TBX2: variants seen among roughly 807,000 people sequenced by gnomAD.
TBX2 encodes the protein T-box transcription factor 2, also known as T-box transcription factor TBX2.
TBX2 carries 19 observed loss-of-function variants against 48.4 expected under a neutral mutation model. The ratio of observed to expected loss-of-function variants is 0.39; its 90% CI spans 0.27 to 0.58. The LOEUF is 0.58. Ranked by LOEUF, TBX2 falls within the 20% of genes least tolerant of loss-of-function variation. The pLI is 0.54. For synonymous variants in TBX2, 522 were observed against 459.7 expected (o/e 1.14, Z -1.73); for missense variants, 994 against 1,006.5 (o/e 0.99, Z 0.17).
chr17:61,402,036 TC>T, intron 2 of TBX2, 85 bp downstream of exon 2: 1 of 1,505,450 alleles, frequency 6.6e-7, no homozygotes, highest in South Asian at 1.3e-5. Context: ...CGGCAGGATC[TC>T]CCAGGGGGAA....
chr17:61,407,472 C>T (rs8073698), intron 6 of TBX2: 84,568 of 152,222 alleles, frequency 0.56, 26,534 homozygotes, highest in Non-Finnish European at 0.72. Flanking sequence ...TCCTCAGCTG[C>T]CAGTGAGGTG....
rs1215482323 is a variant in TBX2 at position 61,403,264 on chromosome 17, G to A, written c.810+57G>A. The A allele has an allele frequency of 6.3e-7, 1 of 1,585,752 alleles. No homozygotes were observed. Among genetic ancestry groups the A allele is most frequent in the Non-Finnish European group, 8.5e-7 (1 of 1,173,002 alleles). Reference sequence around the variant, plus strand: ...GCACTGACGCCCCTCAACACGTGCAGGCCCAACCGTCCGTTCATCGCCCCT... The same window carrying A: ...GCACTGACGCCCCTCAACACGTGCAAGCCCAACCGTCCGTTCATCGCCCCT... On this transcript the variant is annotated intron_variant, in intron 3 of 6. Coordinates refer to ENST00000240328, the MANE Select transcript of TBX2 (RefSeq NM_005994.4). The surrounding 1 kb of genome is among the most constrained non-coding windows in gnomAD (Gnocchi z 5.8).
At position 61,408,350 on chromosome 17, in the gene TBX2, G is replaced by A. The variant is rs2060297248; in HGVS notation, c.1983G>A (p.Glu661=). 6.3e-7 allele frequency: 1 copy of A among 1,595,254 alleles called. No homozygotes were observed. The highest frequency in any genetic ancestry group is 1.7e-5 in the Admixed American group (1 of 57,788). The change falls in exon 7 of 7, where the codon GAG becomes GAA. Residue 661 remains glutamate, a synonymous_variant. Transcript: ENST00000240328. ...GCCGGGAGCCTAGCCCCCTGCCCGA[G>A]CTGGCTCTCCGCAAAGTAGGGGCCC... ...GNSREPSPLP[E]LALRKVGAPS...
At chr17:61,404,966 G>A (rs2060281773) in intron 5 of TBX2, 197 bp downstream of exon 5, 1 of 1,247,916 alleles carries the variant, frequency 8.0e-7, no homozygotes, top group East Asian at 2.5e-5. Context: ...GCCGGACTCC[G>A]AGCCTGGCCC....
chr17:61,405,528 C>T lies in TBX2; in HGVS notation c.1378C>T (p.Leu460=). Residue 460 remains leucine, a synonymous_variant, in exon 6 of 7, where the codon CTG becomes TTG. Transcript: ENST00000240328. ...LVVQTDSASP[L]GAGHLPGLAF... ...GGTGCAGACAGACAGTGCGTCCCCCCTGGGCGCCGGACACCTGCCCGGCCT... is the reference window on the plus strand; with the variant it reads ...GGTGCAGACAGACAGTGCGTCCCCCTTGGGCGCCGGACACCTGCCCGGCCT... 1 of 1,590,522 alleles carries T rather than the reference C, an allele frequency of 6.3e-7. No individual in the cohort carries two copies. The highest frequency in any genetic ancestry group is 8.5e-7 in the Non-Finnish European group (1 of 1,171,690).
intron 4 of TBX2, 34 bp from the exon 5 acceptor site, chr17:61,404,572 T>C (rs2060279258): frequency 6.3e-7 from 1 of 1,594,268 alleles, no homozygotes; most frequent in African/African-American, 1.3e-5. Flanking sequence ...AGGGATGGGC[T>C]CCCCGCTGAC....
chr17:61,400,354 G>A lies in TBX2; in HGVS notation c.178G>A (p.Ala60Thr). The A allele has an allele frequency of 9.9e-7, 1 of 1,013,144 alleles. No homozygotes were observed. Among genetic ancestry groups the A allele is most frequent in the Non-Finnish European group, 1.2e-6 (1 of 851,090 alleles). The allele number at this position is 1,013,144 out of a possible 1,614,324, so 62.8% of individuals were successfully genotyped here. A position where few individuals can be genotyped will look rare whatever the true frequency, so the allele number is the denominator to read the frequency against. Residue 60 changes from alanine (A) to threonine (T), a missense_variant, in exon 1 of 7, where the codon GCG (alanine) becomes ACG (threonine). Coordinates refer to ENST00000240328, the MANE Select transcript of TBX2 (RefSeq NM_005994.4). The surrounding 1 kb of genome is among the most constrained non-coding windows in gnomAD (Gnocchi z 9.2). ...GCTGCCCGACCCGGGCCTGGCGGGG[G>A]CGGCGGCCGCGGCGGCGGCGGCGGC... Reference protein sequence around the residue: ...KPLPDPGLAGAAAAAAAAAAA... With the variant: ...KPLPDPGLAGTAAAAAAAAAA...
At chr17:61,401,539 T>G in intron 1 of TBX2, 145 bp from the exon 2 acceptor site, 32 of 1,172,078 alleles carry the variant, frequency 2.7e-5, no homozygotes, top group Non-Finnish European at 3.7e-5. Flanking sequence ...CGGGCAGTGA[T>G]GAGAGGGCAG....
chr17:61,405,303 G>A lies in TBX2; in HGVS notation c.1153G>A (p.Ala385Thr), dbSNP rs758477912. The A allele has an allele frequency of 1.9e-6, 3 of 1,556,800 alleles. No homozygotes were observed. Among genetic ancestry groups the A allele is most frequent in the African/African-American group, 1.4e-5 (1 of 73,930 alleles). ...PLGRSPAPDS[A>T]SPTRLTEPER... ...AGGCCGCAGCCCGGCTCCAGACAGC[G>A]CCAGCCCCACTCGCTTGACCGAACC... Residue 385 changes from alanine to threonine, a missense_variant, in exon 6 of 7, where the codon GCC (alanine) becomes ACC (threonine). Ala to Thr is a moderately conservative substitution (Grantham distance 58). Around this residue, in one of 5 missense-constraint regions of TBX2, gnomAD observed 639 missense variants for 613.2 expected, o/e 1.04. Coordinates refer to ENST00000240328, the MANE Select transcript of TBX2 (RefSeq NM_005994.4).
Position 61,400,597 on chromosome 17 carries a change from C to A in TBX2, c.395+26C>A. 3 of 1,448,788 alleles carry A rather than the reference C, an allele frequency of 2.1e-6. No homozygotes were observed. The highest frequency in any genetic ancestry group is 2.8e-6 in the Non-Finnish European group (3 of 1,067,820). 89.7% of individuals were successfully genotyped at this position (1,448,788 alleles called of 1,614,324 possible). On this transcript the variant is annotated intron_variant, in intron 1 of 6. Transcript: ENST00000240328. The surrounding 1 kb of genome is among the most constrained non-coding windows in gnomAD (Gnocchi z 9.2). ...GTAGGGCTGCCGGCCGGCTGGAAGG[C>A]GCGCGGGCGGGCGGGCGGGCTGGGG...
In TBX2 at chr17:61,403,541, A is replaced by G. The variant is rs2060274301; in HGVS notation, c.810+334A>G. 1.3e-5 allele frequency among the ~76,000 whole-genome samples: 2 copies of G among 152,104 alleles called. No homozygotes were observed. Among genetic ancestry groups the G allele is most frequent in the African/African-American group, 2.4e-5 (1 of 41,410 alleles). ...TATTCGTTTATTTCTTGGCTCAGGA[A>G]TGAGAATGTAAGTGAAGAGAGGGCG... is the stretch of plus-strand genomic sequence containing the variant. On this transcript the variant is annotated intron_variant, in intron 3 of 6. Coordinates refer to ENST00000240328, the MANE Select transcript of TBX2 (RefSeq NM_005994.4). The surrounding 1 kb of genome is among the most constrained non-coding windows in gnomAD (Gnocchi z 5.8).
At position 61,408,161 on chromosome 17, in the gene TBX2, C is replaced by G. The variant is rs747443205; in HGVS notation, c.1794C>G (p.Ala598=). The G allele has an allele frequency of 5.6e-6, 9 of 1,611,318 alleles. No homozygotes were observed. Among genetic ancestry groups the G allele is most frequent in the Middle Eastern group, 1.6e-4 (1 of 6,078 alleles). ...TGCCCGCCACTAGTGCTGCAGCTGC[C>G]GCCGCCGCAGCCGCCGGCTCCCTCT... ...SALPATSAAA[A]AAAAAGSLSR... The change falls in exon 7 of 7, where the codon GCC becomes GCG. Residue 598 remains alanine, a synonymous_variant. Transcript: ENST00000240328.
intron 5 of TBX2, 60 bp from the exon 6 acceptor site, chr17:61,405,142 C>T: frequency 6.8e-7 from 1 of 1,471,810 alleles, no homozygotes; most frequent in Admixed American, 2.3e-5. Flanking sequence ...CCGAGTGTCC[C>T]TGATCCTGCT....
Position 61,405,453 on chromosome 17 carries a change from G to C in TBX2, c.1303G>C (p.Gly435Arg). Residue 435 changes from glycine (G) to arginine (R), a missense_variant, in exon 6 of 7, where the codon GGG becomes CGG. Coordinates refer to ENST00000240328, the MANE Select transcript of TBX2 (RefSeq NM_005994.4). ...ERAEARRKDE[G>R]RKEAAEGKEQ... ...CGCCGAAGCTCGGAGGAAGGACGAG[G>C]GGCGCAAGGAGGCGGCCGAGGGCAA... 6.4e-7 allele frequency: 1 copy of C among 1,573,168 alleles called. No individual in the cohort carries two copies. The highest frequency in any genetic ancestry group is 8.6e-7 in the Non-Finnish European group (1 of 1,163,472).
At position 61,401,837 on chromosome 17, in the gene TBX2, C is replaced by A; in HGVS notation, c.549C>A (p.Pro183=). The change falls in exon 2 of 7, where the codon CCC becomes CCA. Residue 183 remains proline (P), a synonymous_variant. Coordinates refer to ENST00000240328, the MANE Select transcript of TBX2 (RefSeq NM_005994.4). ...MVAGKADPEM[P]KRMYIHPDSP... is the part of the protein sequence containing the mutation. ...CGGGCAAGGCCGACCCTGAGATGCCCAAACGCATGTACATCCACCCAGACA... is the reference window on the plus strand; with the variant it reads ...CGGGCAAGGCCGACCCTGAGATGCCAAAACGCATGTACATCCACCCAGACA... 1 of 1,613,048 alleles carries A rather than the reference C, an allele frequency of 6.2e-7. No individual in the cohort carries two copies. Among genetic ancestry groups the A allele is most frequent in the South Asian group, 1.1e-5 (1 of 91,084 alleles).
At position 61,403,471 on chromosome 17, in the gene TBX2, A is replaced by G. The variant is rs1004420714; in HGVS notation, c.810+264A>G. 6.6e-5 allele frequency among the ~76,000 whole-genome samples: 10 copies of G among 152,376 alleles called. No individual in the cohort carries two copies. The highest frequency in any genetic ancestry group is 2.2e-4 in the African/African-American group (9 of 41,594). The stretch of plus-strand genomic sequence containing the variant: ...GTCGTTCTGATGGAGATGTTTACTT[A>G]ACAATTAGCTGAGACTCCGGGCCCG... On this transcript the variant is annotated intron_variant, in intron 3 of 6. Transcript: ENST00000240328. The surrounding 1 kb of genome is among the most constrained non-coding windows in gnomAD (Gnocchi z 5.8).
At position 61,405,197 on chromosome 17, in the gene TBX2, C is replaced by A; in HGVS notation, c.1052-5C>A. Reference sequence around the variant, plus strand: ...CCCTGTAATCCGCGCGCCCTCTCCCCGCAGCTGAGGAGAAGTCGTGCGCCG... The same window carrying A: ...CCCTGTAATCCGCGCGCCCTCTCCCAGCAGCTGAGGAGAAGTCGTGCGCCG... On this transcript the variant is annotated splice_polypyrimidine_tract_variant and splice_region_variant and intron_variant, in intron 5 of 6. Transcript: ENST00000240328. 1 of 1,508,638 alleles carries A rather than the reference C, an allele frequency of 6.6e-7. No individual in the cohort carries two copies. The highest frequency in any genetic ancestry group is 8.8e-7 in the Non-Finnish European group (1 of 1,136,234). The allele number at this position is 1,508,638 out of a possible 1,614,324, so 93.5% of individuals were successfully genotyped here.
Position 61,403,269 on chromosome 17 carries a change from A to G in TBX2, c.810+62A>G, listed in dbSNP as rs558487399. ...GACGCCCCTCAACACGTGCAGGCCC[A>G]ACCGTCCGTTCATCGCCCCTCGAAG... is the stretch of plus-strand genomic sequence containing the variant. On this transcript the variant is annotated intron_variant, in intron 3 of 6. Coordinates refer to ENST00000240328, the MANE Select transcript of TBX2 (RefSeq NM_005994.4). This position sits in a 1 kb window ranked among gnomAD's most constrained non-coding sequence, Gnocchi z 5.8. 2 of 1,581,212 alleles carry G rather than the reference A, an allele frequency of 1.3e-6. No homozygotes were observed. Among genetic ancestry groups the G allele is most frequent in the East Asian group, 4.6e-5 (2 of 43,432 alleles).
At position 61,400,635 on chromosome 17, in the gene TBX2, C is replaced by G. The variant is rs1343513346; in HGVS notation, c.395+64C>G. The G allele has an allele frequency of 2.0e-6, 3 of 1,489,092 alleles. No homozygotes were observed. The highest frequency in any genetic ancestry group is 1.2e-5 in the South Asian group (1 of 82,510). The allele number at this position is 1,489,092 out of a possible 1,614,324, so 92.2% of individuals were successfully genotyped here. A position where few individuals can be genotyped will look rare whatever the true frequency, so the allele number is the denominator to read the frequency against. On this transcript the variant is annotated intron_variant, in intron 1 of 6. Coordinates refer to ENST00000240328, the MANE Select transcript of TBX2 (RefSeq NM_005994.4). This position sits in a 1 kb window ranked among gnomAD's most constrained non-coding sequence, Gnocchi z 9.2. ...GGGCGGGCTGGGGCACGGGACTGCA[C>G]GGATCAGAGCAGAGCTGGGGACTCC...
Sources: allele counts gnomAD v4.1 joint callset (sites outside exome capture counted in the v4.1 genomes callset), GRCh38; gene constraint gnomAD v4.1.1; regional missense constraint gnomAD v4.1.1; non-coding constraint Gnocchi (gnomAD v3.1); transcripts MANE v1.5; gene names NCBI Gene and HGNC (gene_info 2026-07-23, HGNC 2026-07-21).